LRBA: variants seen among roughly 807,000 people sequenced by gnomAD.
LRBA encodes the protein lipopolysaccharide-responsive and beige-like anchor protein.
A neutral mutation model predicts 330.0 loss-of-function variants in LRBA; 176 were observed. The ratio of observed to expected loss-of-function variants is 0.53; its 90% CI spans 0.47 to 0.60. LRBA has a LOEUF of 0.60. Ranked by LOEUF, LRBA falls within the 20% of genes least tolerant of loss-of-function variation. The probability of loss-of-function intolerance (pLI) is 0.00; values close to 1 mark genes in which losing one functional copy is unlikely to be tolerated. For missense variants in LRBA, 3,259 were observed against 3,444.8 expected, an observed-to-expected ratio of 0.95 and a Z score of 1.35; for synonymous variants, 1,230 against 1,193.0, an observed-to-expected ratio of 1.03 and a Z score of -0.64.
At chr4:150,610,612 AC>A (rs1335573698) in intron 37 of LRBA, among the ~76,000 whole-genome samples, 2 of 151,972 alleles carry the variant, frequency 1.3e-5, no homozygotes, top group Non-Finnish European at 2.9e-5. Context: ...AAACAAACAA[AC>A]AAACAAAAAA....
chr4:150,718,376 A>G (rs1472083012), intron 36 of LRBA, among the ~76,000 whole-genome samples: 2 of 152,184 alleles, frequency 1.3e-5, no homozygotes, highest in East Asian at 3.8e-4. Context: ...GGTAATTAGC[A>G]GTAGATAAAA....
At chr4:150,284,257 A>G (rs1233303096) in intron 54 of LRBA, among the ~76,000 whole-genome samples, 1 of 152,144 alleles carries the variant, frequency 6.6e-6, no homozygotes, top group East Asian at 1.9e-4. Context: ...TCTAGGGAAT[A>G]TTTCATGACA....
intron 31 of LRBA, among the ~76,000 whole-genome samples, chr4:150,812,769 C>G (rs964651531): frequency 5.9e-5 from 9 of 152,062 alleles, no homozygotes; most frequent in African/African-American, 2.2e-4. Flanking sequence ...TGCAAAATAG[C>G]AAACACCAGG....
At chr4:151,008,850 G>A (rs940644326) in intron 2 of LRBA, among the ~76,000 whole-genome samples, 38 of 149,646 alleles carry the variant, frequency 2.5e-4, no homozygotes, top group Admixed American at 3.4e-4. Flanking sequence ...GTGCATCCCT[G>A]TAATACCAGT....
At chr4:150,838,899 T>C (rs1467980753) in intron 28 of LRBA, among the ~76,000 whole-genome samples, 1 of 151,940 alleles carries the variant, frequency 6.6e-6, no homozygotes, top group Non-Finnish European at 1.5e-5. Context: ...ATGGGATCTA[T>C]TTAAACTGAA....
intron 38 of LRBA, among the ~76,000 whole-genome samples, chr4:150,593,048 C>A (rs1773088082): frequency 1.3e-5 from 2 of 152,102 alleles, no homozygotes; most frequent in African/African-American, 4.8e-5. Flanking sequence ...GTTCCTTACT[C>A]TAAAATCAGA....
At chr4:150,687,632 TA>T (rs1198127901) in intron 36 of LRBA, among the ~76,000 whole-genome samples, 1 of 152,096 alleles carries the variant, frequency 6.6e-6, no homozygotes, top group African/African-American at 2.4e-5. Flanking sequence ...AGAAACTCAA[TA>T]TAGGATAAAT....
rs72736383 is a variant in LRBA, at chr4:150,677,387, C to T, written c.5921+6164G>A. ...CTTGCAGGATATTCCAAAAATGCTA[C>T]AAATTTTTTAATGTTTCAATGAGCA... is the stretch of plus-strand genomic sequence containing the variant. On this transcript the variant is annotated intron_variant, in intron 37 of 56. Coordinates refer to ENST00000651943, the MANE Select transcript of LRBA (RefSeq NM_001364905.1). 1.6e-3 allele frequency among the ~76,000 whole-genome samples: 243 copies of T among 152,230 alleles called. 1 individual carries two copies. Among genetic ancestry groups the T allele is most frequent in the Admixed American group, 3.7e-3 (56 of 15,294 alleles).
rs34544986 is a variant in LRBA at position 150,821,495 on chromosome 4, TC to T, written c.5172-4239del. Among the ~76,000 whole-genome samples the T allele has an allele frequency of 4.8e-3, 733 of 152,200 alleles. 1 individual carries two copies. The highest frequency in any genetic ancestry group is 8.4e-3 in the Non-Finnish European group (573 of 67,986). ...AAATACTGTTGCTGGATTTTTTTTT[TC>T]CCCTGAACAAGGGATACTCATTTCA... On this transcript the variant is annotated intron_variant, in intron 30 of 56. Coordinates refer to ENST00000651943, the MANE Select transcript of LRBA (RefSeq NM_001364905.1).
At chr4:150,962,960 AT>A (rs1470838784) in intron 2 of LRBA, among the ~76,000 whole-genome samples, 1 of 147,806 alleles carries the variant, frequency 6.8e-6, no homozygotes, top group Non-Finnish European at 1.5e-5. Context: ...TCTGAAAAAA[AT>A]AATAAATAAA....
chr4:150,530,692 T>C (rs1379425705), intron 40 of LRBA, among the ~76,000 whole-genome samples: 2 of 152,190 alleles, frequency 1.3e-5, no homozygotes, highest in East Asian at 1.9e-4. Flanking sequence ...CACCAGCTAG[T>C]GTCAACTACT....
chr4:150,955,453 G>A (rs1737435965), intron 2 of LRBA, among the ~76,000 whole-genome samples: 1 of 148,762 alleles, frequency 6.7e-6, no homozygotes, highest in Non-Finnish European at 1.5e-5. Context: ...CTTTGAACAT[G>A]CATAAAAAGA....
chr4:150,812,425 C>T (rs1438200725), intron 31 of LRBA, among the ~76,000 whole-genome samples: 1 of 152,104 alleles, frequency 6.6e-6, no homozygotes, highest in Non-Finnish European at 1.5e-5. Flanking sequence ...TTTAAGGTCC[C>T]TGCGGGTCTA....
At chr4:150,568,802 T>C (rs529796961) in intron 40 of LRBA, among the ~76,000 whole-genome samples, 35 of 152,168 alleles carry the variant, frequency 2.3e-4, no homozygotes, top group African/African-American at 8.4e-4. Context: ...ATTCTGGAAC[T>C]GCACATGAGC....
intron 51 of LRBA, chr4:150,314,906 T>C (rs1731521386): frequency 6.6e-6 from 1 of 152,194 alleles, no homozygotes; most frequent in Non-Finnish European, 1.5e-5. Context: ...CCCTATTTTT[T>C]TCTCCCCTGA....
intron 36 of LRBA, among the ~76,000 whole-genome samples, chr4:150,731,897 A>G (rs1490062666): frequency 6.6e-6 from 1 of 152,196 alleles, no homozygotes; most frequent in Non-Finnish European, 1.5e-5. Context: ...TGGATACCCA[A>G]TATTCCATGA....
At chr4:150,633,513 C>T (rs1777583034) in intron 37 of LRBA, among the ~76,000 whole-genome samples, 1 of 152,192 alleles carries the variant, frequency 6.6e-6, no homozygotes, top group Non-Finnish European at 1.5e-5. Context: ...TAATGACCTT[C>T]CCCACAATTA....
At chr4:150,550,308 C>T (rs1256777704) in intron 40 of LRBA, among the ~76,000 whole-genome samples, 1 of 151,704 alleles carries the variant, frequency 6.6e-6, no homozygotes, top group Non-Finnish European at 1.5e-5. Flanking sequence ...AAAACAACAC[C>T]CCAAAACAAC....
At position 150,665,258 on chromosome 4, in the gene LRBA, T is replaced by G. The variant is rs183537714; in HGVS notation, c.5921+18293A>C. On this transcript the variant is annotated intron_variant, in intron 37 of 56. Transcript: ENST00000651943. ...GGTTGCTTAGGGACCCTCTGTCTAG[T>G]ACATGCTGTAATTCTAGACTCCCAG... Among the ~76,000 whole-genome samples, 631 of 152,308 alleles carry G rather than the reference T, an allele frequency of 4.1e-3. 5 individuals are homozygous for G. Among genetic ancestry groups the G allele is most frequent in the African/African-American group, 0.015 (610 of 41,564 alleles).
Sources: allele counts gnomAD v4.1 joint callset (sites outside exome capture counted in the v4.1 genomes callset), GRCh38; gene constraint gnomAD v4.1.1; transcripts MANE v1.5; gene names NCBI Gene and HGNC (gene_info 2026-07-23, HGNC 2026-07-21).